The following EML1 variants were observed in gnomAD, a reference collection of about 807,000 sequenced individuals.
EML1 encodes EMAP like 1, also known as echinoderm microtubule-associated protein-like 1.
Under a neutral mutation model 110.4 loss-of-function variants are expected in EML1, and 27 were observed. That is an observed-to-expected ratio of 0.24 (90% confidence interval 0.18 to 0.34). EML1 has a LOEUF of 0.34. EML1 is among the 10% of genes least tolerant of loss of function. The probability of loss-of-function intolerance (pLI) is 1.00; values close to 1 mark genes in which losing one functional copy is unlikely to be tolerated. For synonymous variants in EML1, 344 were observed against 385.8 expected (o/e 0.89, Z 1.27); for missense variants, 741 against 1,030.9 (o/e 0.72, Z 3.85).
chr14:99,807,721 C>T (rs1219936493), intron 1 of EML1, among the ~76,000 whole-genome samples: 3 of 152,190 alleles, frequency 2.0e-5, no homozygotes. Flanking sequence ...GCAGCCCACG[C>T]AGGGGAGAGA....
At chr14:99,838,237 T>C (rs1182932372) in intron 1 of EML1, among the ~76,000 whole-genome samples, 3 of 152,186 alleles carry the variant, frequency 2.0e-5, no homozygotes, top group African/African-American at 4.8e-5. Context: ...TATAGTACTT[T>C]AAATAGAAAA....
At chr14:99,765,831 CCTGCCTCAAGTATCTG>C (rs2057363180) in intron 1 of EML1, among the ~76,000 whole-genome samples, 1 of 151,974 alleles carries the variant, frequency 6.6e-6, no homozygotes, top group African/African-American at 2.4e-5. Context: ...TCTTGAACCC[CCTGCCTCAAGTATCTG>C]CTTGTCTTGG....
chr14:99,781,510 A>AT lies in EML1; in HGVS notation c.-27+7498dup, dbSNP rs112334315. Among the ~76,000 whole-genome samples the AT allele has an allele frequency of 0.011, 1,633 of 152,228 alleles. 24 individuals are homozygous for AT. Among genetic ancestry groups the AT allele is most frequent in the African/African-American group, 0.037 (1,552 of 41,514 alleles). ...AGTTCCCCACCCCACAGCTGGGAGG[A>AT]TGGCTGCCAGCCCAACCCAGGCTCA... On this transcript the variant is annotated intron_variant, in intron 1 of 22. Transcript: ENST00000327921. This position sits in a 1 kb window ranked among gnomAD's most constrained non-coding sequence, Gnocchi z 4.2.
At chr14:99,883,092 C>G (rs1239779602) in intron 4 of EML1, 8 of 152,252 alleles carry the variant, frequency 5.3e-5, no homozygotes, top group Non-Finnish European at 1.2e-4. Flanking sequence ...TACTCCTTGG[C>G]TGGGGCTCTG....
intron 3 of EML1, among the ~76,000 whole-genome samples, chr14:99,875,301 G>A (rs893118739): frequency 2.0e-5 from 3 of 152,232 alleles, no homozygotes; most frequent in South Asian, 2.1e-4. Flanking sequence ...TCCTGAATTC[G>A]GTTCTTCATC....
intron 3 of EML1, among the ~76,000 whole-genome samples, chr14:99,869,749 G>A (rs950137193): frequency 1.3e-5 from 2 of 152,134 alleles, no homozygotes; most frequent in African/African-American, 4.8e-5. Context: ...GAACGTATTG[G>A]TGCTGTCTTC....
intron 17 of EML1, among the ~76,000 whole-genome samples, chr14:99,930,731 G>A (rs2060352827): frequency 6.6e-6 from 1 of 152,150 alleles, no homozygotes; most frequent in Non-Finnish European, 1.5e-5. Context: ...AGTTTTGATT[G>A]AATTAAGATT....
chr14:99,875,003 A>T lies in EML1; in HGVS notation c.384-3482A>T, dbSNP rs766583931. The T allele has an allele frequency of 6.8e-6, 11 of 1,612,344 alleles. No individual in the cohort carries two copies. The African/African-American group carries it at 1.1e-4, about 16-fold the overall frequency. On this transcript the variant is annotated intron_variant, in intron 3 of 21. Transcript: ENST00000262233. ...CGACACCAAGGTGAGGGGAACTTAGATTTACTTTGTCACCATAGCTGTTCC... is the reference window on the plus strand; with the variant it reads ...CGACACCAAGGTGAGGGGAACTTAGTTTTACTTTGTCACCATAGCTGTTCC...
chr14:99,776,272 A>G (rs770223057), intron 1 of EML1, among the ~76,000 whole-genome samples: 4 of 152,166 alleles, frequency 2.6e-5, no homozygotes, highest in Non-Finnish European at 5.9e-5. Flanking sequence ...AGGCCAAATC[A>G]GGTGGATCAC....
chr14:99,839,981 G>T (rs1457061263), intron 1 of EML1, among the ~76,000 whole-genome samples: 2 of 152,166 alleles, frequency 1.3e-5, no homozygotes, highest in African/African-American at 2.4e-5. Context: ...CGAAATCCAG[G>T]CCCGCAAGTG....
In EML1 at chr14:99,870,008, C is replaced by T. The variant is rs947313302; in HGVS notation, c.383+4362C>T. ...TCTTTATAAATTACCCAGCCTTGGG[C>T]ATTCCTTTATAGCTGCACAAAACGG... On this transcript the variant is annotated intron_variant, in intron 3 of 21. Transcript: ENST00000262233. Among the ~76,000 whole-genome samples, 31 of 152,232 alleles carry T rather than the reference C, an allele frequency of 2.0e-4. 1 individual carries two copies. Among genetic ancestry groups the T allele is most frequent in the African/African-American group, 5.1e-4 (21 of 41,470 alleles).
chr14:99,809,580 G>A (rs2058039825), intron 1 of EML1: 1 of 454,286 alleles, frequency 2.2e-6, no homozygotes, highest in Admixed American at 2.4e-5. Flanking sequence ...CCCAGCCCTG[G>A]GTGTATGGCA....
At chr14:99,744,097 T>C (rs973761533) in intron 1 of EML1, among the ~76,000 whole-genome samples, 1 of 152,182 alleles carries the variant, frequency 6.6e-6, no homozygotes, top group Admixed American at 6.5e-5. Flanking sequence ...ATTTCAAAAT[T>C]TTGCCTTCAT....
At chr14:99,888,261 A>G (rs1270699368) in intron 4 of EML1, among the ~76,000 whole-genome samples, 1 of 152,168 alleles carries the variant, frequency 6.6e-6, no homozygotes, top group African/African-American at 2.4e-5. Context: ...TTCAGTGTCG[A>G]AGGTCCACGA....
rs1320137728 is a variant in EML1, at chr14:99,936,182, C to T, written c.2007+56C>T. 12 of 1,611,958 alleles carry T rather than the reference C, an allele frequency of 7.4e-6. No homozygotes were observed. Among genetic ancestry groups the T allele is most frequent in the Middle Eastern group, 1.6e-4 (1 of 6,080 alleles). The stretch of plus-strand genomic sequence containing the variant: ...CATGCACTGCGTATAGTTTAACTAC[C>T]GTGGAACAGTGTTGGCAGGGACTTC... On this transcript the variant is annotated intron_variant, in intron 18 of 21. Transcript: ENST00000262233. This position sits in a 1 kb window ranked among gnomAD's most constrained non-coding sequence, Gnocchi z 5.5.
At chr14:99,796,228 G>GAGAGAGAGAGAGAA (rs2057771420) in intron 1 of EML1, among the ~76,000 whole-genome samples, 3 of 139,448 alleles carry the variant, frequency 2.2e-5, no homozygotes, top group African/African-American at 8.5e-5. Context: ...GAGAGAGAGA[G>GAGAGAGAGAGAGAA]AGAAGATAAT....
At chr14:99,875,645 A>G (rs1191120) in intron 3 of EML1, among the ~76,000 whole-genome samples, 80,618 of 151,922 alleles carry the variant, frequency 0.53, 22,464 homozygotes, top group East Asian at 0.87. Flanking sequence ...TGCGGCTGCA[A>G]AATCTCCCAG....
chr14:99,790,382 G>C (rs1177120326), upstream of EML1, among the ~76,000 whole-genome samples: 3 of 152,032 alleles, frequency 2.0e-5, no homozygotes, highest in African/African-American at 7.3e-5. Context: ...CAGCTGCACT[G>C]TATGGAATGC....
intron 1 of EML1, among the ~76,000 whole-genome samples, chr14:99,848,171 C>T (rs2058734909): frequency 6.6e-6 from 1 of 152,080 alleles, no homozygotes; most frequent in South Asian, 2.1e-4. Flanking sequence ...TTTTTAGCTA[C>T]ACTCCTTTGC....
Sources: allele counts gnomAD v4.1 joint callset (sites outside exome capture counted in the v4.1 genomes callset), GRCh38; gene constraint gnomAD v4.1.1; non-coding constraint Gnocchi (gnomAD v3.1); transcripts MANE v1.5; gene names NCBI Gene and HGNC (gene_info 2026-07-23, HGNC 2026-07-21).